The following CSMD2 variants were observed in gnomAD, a reference collection of about 807,000 sequenced individuals.
The protein encoded by CSMD2 is CUB and sushi domain-containing protein 2.
Under a neutral mutation model 398.5 loss-of-function variants are expected in CSMD2, and 130 were observed. The observed-to-expected ratio is 0.33, with a 90% CI of 0.28 to 0.38. The LOEUF is 0.38. Among genes scored for constraint, CSMD2 ranks in the 10% least tolerant of loss-of-function variants. CSMD2 has a pLI of 1.00. For missense variants in CSMD2, 3,829 were observed against 4,764.9 expected, an observed-to-expected ratio of 0.80 and a Z score of 5.78; for synonymous variants, 1,828 against 1,908.5, an observed-to-expected ratio of 0.96 and a Z score of 1.10.
In CSMD2 at chr1:33,597,675, C is replaced by T. The variant is rs530000023; in HGVS notation, c.6856+3190G>A. Reference sequence around the variant, plus strand: ...GGAAGAGTGTAAATGGTTATAACTGCTTCTAAGATAAATTGAGCATTACCT... The same window carrying T: ...GGAAGAGTGTAAATGGTTATAACTGTTTCTAAGATAAATTGAGCATTACCT... On this transcript the variant is annotated intron_variant, in intron 44 of 70. Transcript: ENST00000373381. 8.5e-5 allele frequency among the ~76,000 whole-genome samples: 13 copies of T among 152,320 alleles called. 1 individual carries two copies. In the South Asian group the frequency reaches 2.7e-3, roughly 32 times the overall value.
intron 3 of CSMD2, among the ~76,000 whole-genome samples, chr1:34,000,446 C>G (rs1481712267): frequency 1.3e-5 from 2 of 152,102 alleles, no homozygotes; most frequent in Non-Finnish European, 2.9e-5. Flanking sequence ...AGCTTTGGCA[C>G]AGAGCAAAGA....
chr1:33,890,493 G>C (rs1233122633), intron 5 of CSMD2, among the ~76,000 whole-genome samples: 1 of 152,158 alleles, frequency 6.6e-6, no homozygotes, highest in Non-Finnish European at 1.5e-5. Context: ...GCCTCCCAAA[G>C]TGCTGGGATT....
At chr1:33,610,226 A>ATT (rs11367076) in intron 41 of CSMD2, among the ~76,000 whole-genome samples, 76 of 144,432 alleles carry the variant, frequency 5.3e-4, no homozygotes, top group African/African-American at 1.9e-3. Flanking sequence ...CAGTGTTTAG[A>ATT]TTTTTTTTTT....
intron 25 of CSMD2, among the ~76,000 whole-genome samples, chr1:33,681,596 T>G (rs1644910034): frequency 6.6e-6 from 1 of 152,208 alleles, no homozygotes; most frequent in African/African-American, 2.4e-5. Context: ...AACATCTCAG[T>G]TGGCTAAAAA....
chr1:33,693,041 G>C lies in CSMD2; in HGVS notation c.3941C>G (p.Thr1314Arg). 6.3e-7 allele frequency: 1 copy of C among 1,599,944 alleles called. No homozygotes were observed. Among genetic ancestry groups the C allele is most frequent in the Middle Eastern group, 1.7e-4 (1 of 6,020 alleles). Residue 1314 changes from threonine (T) to arginine (R), a missense_variant, in exon 25 of 71, where the codon ACA becomes AGA. This residue lies in a region of CSMD2 where 2,001 missense variants were observed against 2,567.1 expected (regional missense o/e 0.78). Transcript: ENST00000373381. Reference sequence around the variant, plus strand: ...CTGCCCCGACACCTCTCCTCTCACTGTCCCTCCACACTCGGCTGAAAGAAA... The same window carrying C: ...CTGCCCCGACACCTCTCCTCTCACTCTCCCTCCACACTCGGCTGAAAGAAA... ...LPTCVAECGG[T>R]VRGEVSGQVL...
rs142328362 is a variant in CSMD2, at chr1:33,575,443, G to A, written c.7576+1853C>T. 7.7e-3 allele frequency among the ~76,000 whole-genome samples: 1,178 copies of A among 152,284 alleles called. 7 individuals carry two copies. Among genetic ancestry groups the A allele is most frequent in the Non-Finnish European group, 0.013 (911 of 68,034 alleles). On this transcript the variant is annotated intron_variant, in intron 49 of 70. Coordinates refer to ENST00000373381, the MANE Select transcript of CSMD2 (RefSeq NM_001281956.2). ...ACAGCCATGGTCTCCATGGAGGGAG[G>A]AAGTGAAGACAGCCAGCTGGGTAGG... is the stretch of plus-strand genomic sequence containing the variant.
intron 56 of CSMD2, among the ~76,000 whole-genome samples, chr1:33,547,758 G>C (rs1000050130): frequency 6.6e-6 from 1 of 152,192 alleles, no homozygotes; most frequent in Non-Finnish European, 1.5e-5. Context: ...TCACACAACA[G>C]GCAGAACTGG....
intron 1 of CSMD2, among the ~76,000 whole-genome samples, chr1:34,106,548 G>T (rs148470714): frequency 8.7e-4 from 132 of 152,218 alleles, no homozygotes; most frequent in Middle Eastern, 3.4e-3. Context: ...CCTCTGCCAG[G>T]CTGCAAATAT....
intron 5 of CSMD2, among the ~76,000 whole-genome samples, chr1:33,852,328 A>T (rs1294563095): frequency 1.3e-5 from 2 of 152,250 alleles, no homozygotes; most frequent in African/African-American, 2.4e-5. Flanking sequence ...GAAAGCCAGC[A>T]GCAATGGTTG....
At chr1:33,768,079 G>A (rs1650746671) in intron 13 of CSMD2, among the ~76,000 whole-genome samples, 1 of 152,144 alleles carries the variant, frequency 6.6e-6, no homozygotes, top group Non-Finnish European at 1.5e-5. Context: ...ACACAGTAGG[G>A]AGGACTCATA....
chr1:34,045,327 G>C (rs901910094), intron 2 of CSMD2, among the ~76,000 whole-genome samples: 1 of 152,150 alleles, frequency 6.6e-6, no homozygotes, highest in Non-Finnish European at 1.5e-5. Flanking sequence ...GACACTCTCA[G>C]TCTTCAACAC....
In CSMD2 at chr1:33,819,768, A is replaced by G. The variant is rs149998975; in HGVS notation, c.1269T>C (p.Cys423=). 27 of 1,614,064 alleles carry G rather than the reference A, an allele frequency of 1.7e-5. No homozygotes were observed. The African/African-American group carries it at 3.6e-4, about 22-fold the overall frequency. ...CCGCAAACATGTCGCTCACTTTCAT[A>G]CAGGTGATCCGCTTGGACCCTTGCA... ...YDLQGSKRIT[C]MKVSDMFAAW... The change falls in exon 9 of 71, where the codon TGT becomes TGC. Residue 423 remains cysteine (C), a synonymous_variant. Transcript: ENST00000373381.
Position 33,625,346 on chromosome 1 carries a change from G to A in CSMD2, c.5297-92C>T, listed in dbSNP as rs1039695025. On this transcript the variant is annotated intron_variant, in intron 33 of 70. Transcript: ENST00000373381. ...AACGGGTCTGGAACAAAGACCGTCT[G>A]GATGAAACCCTGGGAGGCTCTGGAT... The A allele has an allele frequency of 5.6e-6, 7 of 1,239,560 alleles. No individual in the cohort carries two copies. The African/African-American group carries it at 9.0e-5, about 16-fold the overall frequency. The allele number at this position is 1,239,560 out of a possible 1,614,324, so 76.8% of individuals were successfully genotyped here. A position where few individuals can be genotyped will look rare whatever the true frequency, so the allele number is the denominator to read the frequency against.
At chr1:33,710,800 T>C (rs1414127115) in intron 21 of CSMD2, among the ~76,000 whole-genome samples, 13 of 152,212 alleles carry the variant, frequency 8.5e-5, no homozygotes, top group African/African-American at 2.4e-5. Context: ...GGCTTAGTTA[T>C]ACATCTTGTG....
chr1:34,069,558 C>A (rs1163614380), intron 2 of CSMD2, among the ~76,000 whole-genome samples: 2 of 152,146 alleles, frequency 1.3e-5, no homozygotes, highest in East Asian at 1.9e-4. Flanking sequence ...GGATTCAACC[C>A]CAGGAGTGCC....
intron 10 of CSMD2, among the ~76,000 whole-genome samples, chr1:33,809,735 A>G (rs1289823764): frequency 1.9e-5 from 2 of 106,430 alleles, no homozygotes; most frequent in Non-Finnish European, 4.0e-5. Flanking sequence ...AGTAGAAACA[A>G]CACCATCATT....
chr1:33,560,493 C>T (rs569564760), intron 53 of CSMD2, among the ~76,000 whole-genome samples: 1 of 152,330 alleles, frequency 6.6e-6, no homozygotes, highest in East Asian at 1.9e-4. Context: ...CATGAATATA[C>T]AAAGCAAGTT....
At chr1:33,880,642 A>T (rs866097673) in intron 5 of CSMD2, among the ~76,000 whole-genome samples, 15 of 152,206 alleles carry the variant, frequency 9.9e-5, no homozygotes, top group South Asian at 2.1e-4. Context: ...TTCCATAAAG[A>T]TTTTATGAGT....
At chr1:33,953,309 T>C (rs1053048839) in intron 3 of CSMD2, among the ~76,000 whole-genome samples, 1 of 152,076 alleles carries the variant, frequency 6.6e-6, no homozygotes, top group Non-Finnish European at 1.5e-5. Flanking sequence ...GACAGATACA[T>C]GAGCAATAAA....
Sources: allele counts gnomAD v4.1 joint callset (sites outside exome capture counted in the v4.1 genomes callset), GRCh38; gene constraint gnomAD v4.1.1; regional missense constraint gnomAD v4.1.1; transcripts MANE v1.5; gene names NCBI Gene and HGNC (gene_info 2026-07-23, HGNC 2026-07-21).